RPS6KC1: variants seen among roughly 807,000 people sequenced by gnomAD.
RPS6KC1 encodes ribosomal protein S6 kinase C1.
In RPS6KC1, 54 loss-of-function variants were observed where a neutral mutation model predicts 103.8. The ratio of observed to expected loss-of-function variants is 0.52; its 90% CI spans 0.42 to 0.65. RPS6KC1 has a LOEUF of 0.65. Among genes scored for constraint, RPS6KC1 ranks in the 30% least tolerant of loss-of-function variants. The pLI is 0.00. For synonymous variants in RPS6KC1, 439 were observed against 438.7 expected, an observed-to-expected ratio of 1.00 and a Z score of -0.01; for missense variants, 1,151 against 1,253.8, an observed-to-expected ratio of 0.92 and a Z score of 1.24.
intron 6 of RPS6KC1, among the ~76,000 whole-genome samples, chr1:213,150,998 C>T (rs1291013697): frequency 4.1e-4 from 5 of 12,124 alleles, no homozygotes; most frequent in African/African-American, 2.5e-3. Flanking sequence ...GGGGGCTGAC[C>T]CCCCCCACCT....
chr1:213,503,088 G>C, the RPS6KC1 span, among the ~76,000 whole-genome samples: 1 of 151,210 alleles, frequency 6.6e-6, no homozygotes, highest in Non-Finnish European at 1.5e-5. Flanking sequence ...TGTATTCTGT[G>C]TGTCTTTTCT....
the RPS6KC1 span, among the ~76,000 whole-genome samples, chr1:213,600,095 G>T: frequency 6.6e-6 from 1 of 151,984 alleles, no homozygotes; most frequent in African/African-American, 2.4e-5. Context: ...ATTTTTCTTG[G>T]CTCGCGCTTC....
At chr1:213,371,504 T>G in the RPS6KC1 span, among the ~76,000 whole-genome samples, 1 of 152,188 alleles carries the variant, frequency 6.6e-6, no homozygotes, top group African/African-American at 2.4e-5. Flanking sequence ...TTGAATATTT[T>G]GAGAAATTGC....
the RPS6KC1 span, among the ~76,000 whole-genome samples, chr1:213,734,614 A>AC: frequency 8.4e-4 from 128 of 152,280 alleles, no homozygotes; most frequent in South Asian, 3.5e-3. Context: ...GAAAACACCA[A>AC]CCCCCTAAAA....
At chr1:213,599,394 C>T in the RPS6KC1 span, among the ~76,000 whole-genome samples, 1 of 147,636 alleles carries the variant, frequency 6.8e-6, no homozygotes, top group Admixed American at 6.8e-5. Context: ...CTGTTCCAAG[C>T]ACCAGAAGAA....
chr1:213,793,449 A>G, the RPS6KC1 span, among the ~76,000 whole-genome samples: 1 of 152,208 alleles, frequency 6.6e-6, no homozygotes, highest in South Asian at 2.1e-4. Context: ...TTAGGATCAA[A>G]CAATGCCCCC....
intron 12 of RPS6KC1, among the ~76,000 whole-genome samples, chr1:213,250,792 G>A (rs1447693348): frequency 6.6e-6 from 1 of 151,990 alleles, no homozygotes; most frequent in Non-Finnish European, 1.5e-5. Context: ...TTTTGCTTTC[G>A]GTTGTAACAT....
the RPS6KC1 span, among the ~76,000 whole-genome samples, chr1:213,362,193 G>A: frequency 2.0e-5 from 3 of 152,148 alleles, no homozygotes; most frequent in Non-Finnish European, 4.4e-5. Flanking sequence ...GCATCCAGAT[G>A]TTTGCTGAAA....
At chr1:213,692,585 A>G in the RPS6KC1 span, among the ~76,000 whole-genome samples, 2 of 152,084 alleles carry the variant, frequency 1.3e-5, no homozygotes, top group Admixed American at 1.3e-4. Flanking sequence ...CCACATGCAC[A>G]GTGGCCTGCC....
chr1:213,292,769 A>T, the RPS6KC1 span, among the ~76,000 whole-genome samples: 1 of 152,236 alleles, frequency 6.6e-6, no homozygotes, highest in Non-Finnish European at 1.5e-5. Flanking sequence ...ACAAAGGAAG[A>T]ACTGCAGGCC....
chr1:213,177,947 T>C (rs1361653617), intron 8 of RPS6KC1, among the ~76,000 whole-genome samples: 1 of 152,080 alleles, frequency 6.6e-6, no homozygotes, highest in East Asian at 1.9e-4. Context: ...TTTGCACCTG[T>C]AATCCCAGCA....
chr1:213,370,243 A>G, the RPS6KC1 span, among the ~76,000 whole-genome samples: 1 of 147,960 alleles, frequency 6.8e-6, no homozygotes, highest in Non-Finnish European at 1.5e-5. Context: ...CTGTTATTTT[A>G]TTTTATTTAT....
chr1:213,482,108 A>G, the RPS6KC1 span, among the ~76,000 whole-genome samples: 1 of 152,212 alleles, frequency 6.6e-6, no homozygotes, highest in Non-Finnish European at 1.5e-5. Context: ...TGCTGGCACC[A>G]TGCTTCCTGT....
rs764780652 is a variant in RPS6KC1, at chr1:213,240,953, A to G, written c.1477A>G (p.Ser493Gly). 1.3e-5 allele frequency: 21 copies of G among 1,613,894 alleles called. No homozygotes were observed. The highest frequency in any genetic ancestry group is 1.8e-5 in the Non-Finnish European group (21 of 1,179,934). ...DSNQEDDGQD[S>G]SPKWPDSGSS... Reference sequence around the variant, plus strand: ...CAACCAGGAAGATGATGGCCAAGATAGCTCTCCAAAGTGGCCAGATTCTGG... The same window carrying G: ...CAACCAGGAAGATGATGGCCAAGATGGCTCTCCAAAGTGGCCAGATTCTGG... Residue 493 changes from serine to glycine, a missense_variant, in exon 11 of 15, where the codon AGC becomes GGC. Coordinates refer to ENST00000366960, the MANE Select transcript of RPS6KC1 (RefSeq NM_012424.6).
the RPS6KC1 span, among the ~76,000 whole-genome samples, chr1:213,310,417 C>G: frequency 6.6e-6 from 1 of 152,300 alleles, no homozygotes; most frequent in Non-Finnish European, 1.5e-5. Flanking sequence ...TCCCTTAGCA[C>G]GCTTCCTGCT....
At chr1:213,073,464 G>A (rs61834092) in intron 2 of RPS6KC1, among the ~76,000 whole-genome samples, 1,808 of 152,280 alleles carry the variant, frequency 0.012, 11 homozygotes, top group East Asian at 0.025. Flanking sequence ...TGAATAGACA[G>A]CAGAAAAGTG....
the RPS6KC1 span, among the ~76,000 whole-genome samples, chr1:213,609,519 A>G: frequency 6.6e-6 from 1 of 152,100 alleles, no homozygotes; most frequent in Non-Finnish European, 1.5e-5. Flanking sequence ...CAACAGCACA[A>G]TCACCCTCAC....
intron 5 of RPS6KC1, among the ~76,000 whole-genome samples, chr1:213,119,589 A>G (rs2084151943): frequency 6.6e-6 from 1 of 150,634 alleles, no homozygotes; most frequent in Non-Finnish European, 1.5e-5. Context: ...GTTCTGTGAT[A>G]TGGGAGTAGT....
chr1:213,119,631 G>C (rs2084158081), intron 5 of RPS6KC1, among the ~76,000 whole-genome samples: 1 of 151,562 alleles, frequency 6.6e-6, no homozygotes, highest in Admixed American at 6.6e-5. Context: ...ATAAGCTTCT[G>C]TTACTAGGTG....
Sources: allele counts gnomAD v4.1 joint callset (sites outside exome capture counted in the v4.1 genomes callset), GRCh38; gene constraint gnomAD v4.1.1; transcripts MANE v1.5; gene names NCBI Gene and HGNC (gene_info 2026-07-23, HGNC 2026-07-21).